Variants in FUBP1 observed in about 807,000 individuals in gnomAD.
FUBP1 encodes far upstream element binding protein 1, also known as far upstream element-binding protein 1.
In FUBP1, 16 loss-of-function variants were observed where a neutral mutation model predicts 94.9. The ratio of observed to expected loss-of-function variants is 0.17; its 90% CI spans 0.11 to 0.26. The LOEUF (loss-of-function observed/expected upper bound fraction) is 0.26. Ranked by LOEUF, FUBP1 falls within the 10% of genes least tolerant of loss-of-function variation. FUBP1 has a pLI of 1.00. For missense variants in FUBP1, 583 were observed against 808.6 expected, an observed-to-expected ratio of 0.72 and a Z score of 3.38; for synonymous variants, 279 against 254.9, an observed-to-expected ratio of 1.09 and a Z score of -0.90.
At position 77,949,161 on chromosome 1, in the gene FUBP1, T is replaced by A; in HGVS notation, c.1920A>T (p.Ala640=). The change falls in exon 19 of 20, where the codon GCA becomes GCT. Residue 640 remains alanine (A), a synonymous_variant. Coordinates refer to ENST00000370768, the MANE Select transcript of FUBP1 (RefSeq NM_003902.5). ...ATTAGCAATTACATTATACCTGAGG[T>A]GCTGGAGGATGCTGTGGCATTCCCT... ...SPQGMPQHPP[A]PQGQ is the part of the protein sequence containing the mutation. 1.2e-6 allele frequency: 2 copies of A among 1,612,278 alleles called. No individual in the cohort carries two copies. Among genetic ancestry groups the A allele is most frequent in the Non-Finnish European group, 1.7e-6 (2 of 1,178,816 alleles).
chr1:77,978,183 G>A (rs532595357), intron 1 of FUBP1, among the ~76,000 whole-genome samples: 18 of 152,328 alleles, frequency 1.2e-4, no homozygotes, highest in Non-Finnish European at 2.5e-4. Flanking sequence ...TTTCGTCTGG[G>A]AAAGTGGTGC....
In FUBP1 at chr1:77,960,514, C is replaced by T; in HGVS notation, c.1345-19G>A. On this transcript the variant is annotated intron_variant, in intron 14 of 19. Coordinates refer to ENST00000370768, the MANE Select transcript of FUBP1 (RefSeq NM_003902.5). ...CTGGGCCCTACAAAAAAAAGGATGA[C>T]ATAGAAAAATCAGAAAAACACAGTA... 6.3e-7 allele frequency: 1 copy of T among 1,586,170 alleles called. No homozygotes were observed. The highest frequency in any genetic ancestry group is 8.6e-7 in the Non-Finnish European group (1 of 1,166,614).
rs1426975007 is a variant in FUBP1 at position 77,956,580 on chromosome 1, T to C, written c.1697A>G (p.Asn566Ser). 1 of 1,612,146 alleles carries C rather than the reference T, an allele frequency of 6.2e-7. No homozygotes were observed. Among genetic ancestry groups the C allele is most frequent in the Admixed American group, 1.7e-5 (1 of 59,940 alleles). Residue 566 changes from asparagine (N) to serine (S), a missense_variant, in exon 17 of 20, where the codon AAT becomes AGT. Physicochemically the swap from Asn to Ser is conservative, Grantham distance 46 (BLOSUM62 1). Coordinates refer to ENST00000370768, the MANE Select transcript of FUBP1 (RefSeq NM_003902.5). ...PAGAPTTTQT[N>S]GQGDQQNPAP... ...ATAAGTTCTGTAGTTACCTTGTCCATTAGTTTGAGTTGTAGTTGGTGCACC... is the reference window on the plus strand; with the variant it reads ...ATAAGTTCTGTAGTTACCTTGTCCACTAGTTTGAGTTGTAGTTGGTGCACC...
chr1:77,963,727 G>C lies in FUBP1; in HGVS notation c.1042-12C>G, dbSNP rs749840546. 1.3e-6 allele frequency: 2 copies of C among 1,585,926 alleles called. No individual in the cohort carries two copies. The highest frequency in any genetic ancestry group is 2.3e-5 in the South Asian group (2 of 86,412). ...CCAGGATTACCAGCCTATAGAGAGG[G>C]AAAGACAAGAACGAAGAGTCAGCAC... On this transcript the variant is annotated splice_polypyrimidine_tract_variant and intron_variant, in intron 12 of 19. Coordinates refer to ENST00000370768, the MANE Select transcript of FUBP1 (RefSeq NM_003902.5).
Position 77,965,146 on chromosome 1 carries a change from C to T in FUBP1, c.559G>A (p.Val187Ile), listed in dbSNP as rs765512736. 6.2e-7 allele frequency: 1 copy of T among 1,612,412 alleles called. No individual in the cohort carries two copies. The highest frequency in any genetic ancestry group is 8.5e-7 in the Non-Finnish European group (1 of 1,178,502). The change falls in exon 8 of 20, where the codon GTT (valine) becomes ATT (isoleucine). Residue 187 changes from valine (V) to isoleucine (I), a missense_variant. By Grantham distance (29) the Val-to-Ile change is conservative. Coordinates refer to ENST00000370768, the MANE Select transcript of FUBP1 (RefSeq NM_003902.5). ...FHHGDGPGNA[V>I]QEIMIPASKA... ...CTAGCTGGAATCATGATTTCTTGAA[C>T]TGCATTTCCCGGTCCATCGCCATGA...
intron 14 of FUBP1, among the ~76,000 whole-genome samples, chr1:77,962,208 C>T (rs1370624794): frequency 2.0e-5 from 3 of 152,128 alleles, no homozygotes; most frequent in South Asian, 2.1e-4. Flanking sequence ...CCAGAATCAC[C>T]CAAACATCTA....
At position 77,955,329 on chromosome 1, in the gene FUBP1, C is replaced by G; in HGVS notation, c.1706G>C (p.Gly569Ala). 6.4e-7 allele frequency: 1 copy of G among 1,567,572 alleles called. No individual in the cohort carries two copies. Residue 569 changes from glycine (G) to alanine (A), a missense_variant and splice_region_variant, in exon 18 of 20, where the codon GGA (glycine) becomes GCA (alanine). Gly to Ala is a moderately conservative substitution (Grantham distance 60, BLOSUM62 0). Coordinates refer to ENST00000370768, the MANE Select transcript of FUBP1 (RefSeq NM_003902.5). ...AGCTGGGGCTGGATTCTGCTGATCT[C>G]CTTGTTCAAGCAAAACAAAACAAAA... ...APTTTQTNGQ[G>A]DQQNPAPAGQ...
intron 18 of FUBP1, among the ~76,000 whole-genome samples, chr1:77,954,746 T>TA (rs1415143018): frequency 6.6e-6 from 1 of 152,166 alleles, no homozygotes; most frequent in Non-Finnish European, 1.5e-5. Flanking sequence ...GCAGCTGAAA[T>TA]ATAGTGATTT....
At chr1:77,977,900 G>A (rs1305940102) in intron 1 of FUBP1, among the ~76,000 whole-genome samples, 1 of 152,048 alleles carries the variant, frequency 6.6e-6, no homozygotes, top group Non-Finnish European at 1.5e-5. Context: ...CAACTGTCCC[G>A]GTAAAAAGTT....
chr1:77,974,336 G>A (rs960529659), intron 1 of FUBP1, among the ~76,000 whole-genome samples: 1 of 152,028 alleles, frequency 6.6e-6, no homozygotes, highest in South Asian at 2.1e-4. Flanking sequence ...GTTTCACCGT[G>A]TTAGCCAGGA....
At position 77,946,966 on chromosome 1, in the gene FUBP1, T is replaced by A. The variant is rs1416881390; in HGVS notation, c.*1800A>T. On this transcript the variant is annotated 3_prime_UTR_variant, in exon 20 of 20. Coordinates refer to ENST00000370768, the MANE Select transcript of FUBP1 (RefSeq NM_003902.5). Reference sequence around the variant, plus strand: ...TCCATCCTGTAGGTAATCTCAACATTTATGTCCTTGTACCTCTTCCTTTAA... The same window carrying A: ...TCCATCCTGTAGGTAATCTCAACATATATGTCCTTGTACCTCTTCCTTTAA... The A allele has an allele frequency of 1.5e-5, 3 of 205,850 alleles. No individual in the cohort carries two copies. The highest frequency in any genetic ancestry group is 3.0e-5 in the Non-Finnish European group (3 of 100,788). The allele number at this position is 205,850 out of a possible 1,614,324, so 12.8% of individuals were successfully genotyped here.
At chr1:77,964,572 TAACAC>T (rs1344152463) in intron 10 of FUBP1, 69 bp downstream of exon 10, 2 of 888,668 alleles carry the variant, frequency 2.3e-6, no homozygotes, top group African/African-American at 1.7e-5. Context: ...TAGAGCTACT[TAACAC>T]AAAACAGAAA....
chr1:77,961,383 A>G (rs1246211482), intron 14 of FUBP1, among the ~76,000 whole-genome samples: 2 of 152,188 alleles, frequency 1.3e-5, no homozygotes, highest in East Asian at 3.8e-4. Flanking sequence ...TAAATCTCCA[A>G]TTGCTGTCAT....
chr1:77,950,697 G>GT (rs1653286995), intron 18 of FUBP1, among the ~76,000 whole-genome samples: 1 of 152,110 alleles, frequency 6.6e-6, no homozygotes, highest in Non-Finnish European at 1.5e-5. Flanking sequence ...TATTTCGTTT[G>GT]TAACTCGCTT....
chr1:77,966,236 T>G (rs980285758), intron 7 of FUBP1, among the ~76,000 whole-genome samples: 8 of 152,202 alleles, frequency 5.3e-5, no homozygotes, highest in Non-Finnish European at 1.2e-4. Context: ...TGCTTCCATT[T>G]TCTCAGTAAA....
intron 18 of FUBP1, among the ~76,000 whole-genome samples, chr1:77,953,662 T>C (rs546013258): frequency 7.3e-4 from 111 of 152,160 alleles, no homozygotes; most frequent in African/African-American, 2.5e-3. Flanking sequence ...CAGTATAGTA[T>C]AGTATCTCTA....
chr1:77,952,170 G>A (rs1653581925), intron 18 of FUBP1, among the ~76,000 whole-genome samples: 1 of 151,900 alleles, frequency 6.6e-6, no homozygotes, highest in Non-Finnish European at 1.5e-5. Context: ...CCTGGGAGGT[G>A]GATGCTGCAA....
chr1:77,955,614 T>C (rs926413862), intron 17 of FUBP1, among the ~76,000 whole-genome samples: 1 of 152,206 alleles, frequency 6.6e-6, no homozygotes, highest in Non-Finnish European at 1.5e-5. Context: ...ACCAGGTTTC[T>C]CACGTTTGTA....
At chr1:77,973,247 A>AATT (rs1255475623) in intron 1 of FUBP1, among the ~76,000 whole-genome samples, 9 of 151,996 alleles carry the variant, frequency 5.9e-5, no homozygotes, top group East Asian at 1.9e-4. Flanking sequence ...TACTTTATTT[A>AATT]ATTATTATTA....
Sources: gnomAD v4.1 joint callset for allele counts (sites outside exome capture counted in the v4.1 genomes callset) on GRCh38, gnomAD v4.1.1 for gene constraint, MANE v1.5 for transcripts, NCBI Gene and HGNC (gene_info 2026-07-23, HGNC 2026-07-21) for gene names.